Variants in SLC6A9 observed in about 807,000 individuals in gnomAD.
SLC6A9 encodes solute carrier family 6 member 9.
In SLC6A9, 31 loss-of-function variants were observed where a neutral mutation model predicts 70.9. The ratio of observed to expected loss-of-function variants is 0.44; its 90% CI spans 0.33 to 0.59. The LOEUF is 0.59. Ranked by LOEUF, SLC6A9 falls within the 20% of genes least tolerant of loss-of-function variation. The pLI, the probability that SLC6A9 is intolerant of heterozygous loss-of-function variation, is 0.04. For missense variants in SLC6A9, 631 were observed against 845.2 expected (o/e 0.75, Z 3.14); for synonymous variants, 310 against 341.3 (o/e 0.91, Z 1.01).
chr1:44,017,098 G>A, intron 2 of SLC6A9: 1 of 1,605,904 alleles, frequency 6.2e-7, no homozygotes, highest in Non-Finnish European at 8.5e-7. Flanking sequence ...CCATCCTGGG[G>A]CGAGCGATCG....
intron 1 of SLC6A9, among the ~76,000 whole-genome samples, chr1:44,030,982 C>A (rs1338365099): frequency 6.6e-6 from 1 of 151,964 alleles, no homozygotes; most frequent in Non-Finnish European, 1.5e-5. Context: ...ATCGAACCGG[C>A]GTCTGGCGCC....
chr1:44,002,843 G>C lies in SLC6A9; in HGVS notation c.723+10C>G, dbSNP rs373890008. On this transcript the variant is annotated intron_variant, in intron 6 of 13. Transcript: ENST00000372310. This position sits in a 1 kb window ranked among gnomAD's most constrained non-coding sequence, Gnocchi z 5.5. The stretch of plus-strand genomic sequence containing the variant: ...GGTGGGCACAGACCCTGCTGGGGAG[G>C]GGTACTTGCTTTCCCTGAAGACTTG... The C allele has an allele frequency of 6.2e-7, 1 of 1,613,854 alleles. No homozygotes were observed. Among genetic ancestry groups the C allele is most frequent in the Non-Finnish European group, 8.5e-7 (1 of 1,179,968 alleles).
At chr1:44,001,737 T>C (rs2086116653) in intron 8 of SLC6A9, 110 bp from the exon 9 acceptor site, 6 of 779,664 alleles carry the variant, frequency 7.7e-6, no homozygotes, top group African/African-American at 1.7e-5. Context: ...CTCTTTTTTT[T>C]TGGAGTGGGA....
At chr1:44,016,087 G>T (rs977749692) in intron 2 of SLC6A9, among the ~76,000 whole-genome samples, 1 of 152,244 alleles carries the variant, frequency 6.6e-6, no homozygotes, top group Admixed American at 6.5e-5. Context: ...CAGATGACTG[G>T]CACCCCCAGG....
intron 1 of SLC6A9, among the ~76,000 whole-genome samples, chr1:44,027,063 C>A (rs771825996): frequency 6.6e-6 from 1 of 152,166 alleles, no homozygotes; most frequent in Non-Finnish European, 1.5e-5. Context: ...TGGTCCCATC[C>A]GTCCATTCAG....
Position 44,002,582 on chromosome 1 carries a change from G to A in SLC6A9, c.788C>T (p.Thr263Ile). 2 of 1,614,066 alleles carry A rather than the reference G, an allele frequency of 1.2e-6. No individual in the cohort carries two copies. Among genetic ancestry groups the A allele is most frequent in the Non-Finnish European group, 1.7e-6 (2 of 1,179,972 alleles). ...VLTILFVRGV[T>I]LEGAFDGIMY... The stretch of plus-strand genomic sequence containing the variant: ...GATGCCGTCAAAGGCTCCCTCCAGG[G>A]TCACTCCGCGGACAAACAGAATGGT... The change falls in exon 7 of 14, where the codon ACC becomes ATC. Residue 263 changes from threonine to isoleucine, a missense_variant. Coordinates refer to ENST00000372310, the MANE Select transcript of SLC6A9 (RefSeq NM_001024845.3). The surrounding 1 kb of genome is among the most constrained non-coding windows in gnomAD (Gnocchi z 5.5).
At chr1:44,019,863 G>A (rs2086848366) in intron 2 of SLC6A9, among the ~76,000 whole-genome samples, 1 of 152,004 alleles carries the variant, frequency 6.6e-6, no homozygotes, top group Non-Finnish European at 1.5e-5. Context: ...CGCTGAGCTG[G>A]GACTGAGAAG....
At chr1:44,021,479 AG>A (rs2086882882) in intron 2 of SLC6A9, among the ~76,000 whole-genome samples, 3 of 152,202 alleles carry the variant, frequency 2.0e-5, no homozygotes, top group African/African-American at 7.2e-5. Context: ...AGGATAACAC[AG>A]GGTGTCTGCC....
rs2086648599 is a variant in SLC6A9, at chr1:44,013,660, T to G, written c.31-2778A>C. Among the ~76,000 whole-genome samples the G allele has an allele frequency of 6.6e-6, 1 of 152,154 alleles. No individual in the cohort carries two copies. Among genetic ancestry groups the G allele is most frequent in the Non-Finnish European group, 1.5e-5 (1 of 68,030 alleles). On this transcript the variant is annotated intron_variant, in intron 2 of 13. Transcript: ENST00000372310. The surrounding 1 kb of genome is among the most constrained non-coding windows in gnomAD (Gnocchi z 5.3). ...TCTGGCCCAGGCTTGGCCTCTGTCT[T>G]CAACTCCAGGGCTGTCTACGCTCAG... is the stretch of plus-strand genomic sequence containing the variant.
chr1:44,024,401 TG>T, intron 1 of SLC6A9, 39 bp from the exon 2 acceptor site: 1 of 1,269,656 alleles, frequency 7.9e-7, no homozygotes, highest in Non-Finnish European at 1.1e-6. Flanking sequence ...GACTTGGCCG[TG>T]TGGCCCACAG....
intron 1 of SLC6A9, among the ~76,000 whole-genome samples, chr1:44,027,671 A>C (rs531614451): frequency 6.6e-6 from 1 of 152,326 alleles, no homozygotes; most frequent in African/African-American, 2.4e-5. Context: ...CCAATGACTA[A>C]AATTTAAAGA....
At chr1:44,001,327 C>A (rs373625309) in intron 9 of SLC6A9, 29 bp from the exon 10 acceptor site, 3 of 1,613,998 alleles carry the variant, frequency 1.9e-6, no homozygotes, top group Non-Finnish European at 1.7e-6. Context: ...AGATCGGAGA[C>A]CTGCCCCTTG....
rs1158073937 is a variant in SLC6A9 at position 44,031,445 on chromosome 1, T to TCTTCCACAGCC, written c.-236_-226dup. Reference sequence around the variant, plus strand: ...CCCGCCCCGCCGCGCCGCTCGCAGCTCTTCCACAGCCTGTTGTGTTTTGGT... The same window carrying TCTTCCACAGCC: ...CCCGCCCCGCCGCGCCGCTCGCAGCTCTTCCACAGCCCTTCCACAGCCTGTTGTGTTTTGGT... On this transcript the variant is annotated 5_prime_UTR_variant, in exon 1 of 14. Coordinates refer to ENST00000372310, the MANE Select transcript of SLC6A9 (RefSeq NM_001024845.3). 1 of 152,542 alleles carries TCTTCCACAGCC rather than the reference T, an allele frequency of 6.6e-6. No homozygotes were observed. The highest frequency in any genetic ancestry group is 1.5e-5 in the Non-Finnish European group (1 of 68,352). The allele number at this position is 152,542 out of a possible 1,614,324, so 9.4% of individuals were successfully genotyped here.
intron 3 of SLC6A9, 124 bp downstream of exon 3, chr1:44,010,602 A>C (rs947613147): frequency 4.2e-6 from 4 of 945,344 alleles, no homozygotes; most frequent in Admixed American, 2.5e-5. Context: ...ATGGGGGCGA[A>C]GGAGGCCAGG....
intron 12 of SLC6A9, among the ~76,000 whole-genome samples, chr1:43,999,452 G>A (rs969074285): frequency 2.7e-4 from 41 of 151,976 alleles, no homozygotes; most frequent in African/African-American, 9.4e-4. Context: ...CTTGGCAGGT[G>A]CCCCCTGGTC....
chr1:44,012,706 T>A (rs1293727232), intron 2 of SLC6A9, among the ~76,000 whole-genome samples: 4 of 152,156 alleles, frequency 2.6e-5, no homozygotes, highest in Non-Finnish European at 4.4e-5. Context: ...ACAGAGGGGA[T>A]CATCTCAAAA....
At chr1:44,008,844 C>T (rs1443051876) in intron 4 of SLC6A9, among the ~76,000 whole-genome samples, 3 of 151,096 alleles carry the variant, frequency 2.0e-5, no homozygotes, top group Non-Finnish European at 4.4e-5. Context: ...CTCAACCTAC[C>T]GAGTAGCTGG....
chr1:44,025,606 C>G (rs2086968945), intron 1 of SLC6A9, among the ~76,000 whole-genome samples: 2 of 151,982 alleles, frequency 1.3e-5, no homozygotes, highest in African/African-American at 4.8e-5. Flanking sequence ...TTGAGACCAT[C>G]CTGGCCAACA....
Position 44,031,357 on chromosome 1 carries a change from A to C in SLC6A9, c.-137T>G, listed in dbSNP as rs2087118245. On this transcript the variant is annotated 5_prime_UTR_variant, in exon 1 of 14. Transcript: ENST00000372310. Reference sequence around the variant, plus strand: ...GCTGGGTCCGCACCGCGGTGCGCCCAGGTGGCTTTCTTAAAGGGAAAGTTG... The same window carrying C: ...GCTGGGTCCGCACCGCGGTGCGCCCCGGTGGCTTTCTTAAAGGGAAAGTTG... The C allele has an allele frequency of 6.6e-6, 1 of 151,640 alleles. No homozygotes were observed. Among genetic ancestry groups the C allele is most frequent in the Admixed American group, 6.6e-5 (1 of 15,238 alleles). 9.4% of individuals were successfully genotyped at this position (151,640 alleles called of 1,614,324 possible).
Sources: gnomAD v4.1 joint callset for allele counts (sites outside exome capture counted in the v4.1 genomes callset) on GRCh38, gnomAD v4.1.1 for gene constraint, Gnocchi (gnomAD v3.1) non-coding constraint, MANE v1.5 for transcripts, NCBI Gene and HGNC (gene_info 2026-07-23, HGNC 2026-07-21) for gene names.